The following FSIP2 variants were observed in gnomAD, a reference collection of about 807,000 sequenced individuals.
FSIP2 encodes the protein fibrous sheath interacting protein 2.
In FSIP2, 367 loss-of-function variants were observed where a neutral mutation model predicts 510.5. That is an observed-to-expected ratio of 0.72 (90% CI 0.66 to 0.78). The LOEUF (loss-of-function observed/expected upper bound fraction) is 0.78, where lower values mean the gene tolerates loss of function less well. FSIP2 is among the 30% of genes least tolerant of loss of function. The pLI is 0.00. For missense variants in FSIP2, 7,594 were observed against 7,901.7 expected (o/e 0.96, Z 1.48); for synonymous variants, 2,601 against 2,732.2 (o/e 0.95, Z 1.50).
At chr2:185,786,340 A>G (rs1204791128) in intron 15 of FSIP2, 52 bp downstream of exon 15, 1 of 1,143,190 alleles carries the variant, frequency 8.7e-7, no homozygotes, top group Admixed American at 2.3e-5. Flanking sequence ...ATACTTTCTG[A>G]TGCATCATAA....
chr2:185,763,165 T>C lies in FSIP2; in HGVS notation c.1241-18T>C, dbSNP rs1442953564. 19 of 1,073,434 alleles carry C rather than the reference T, an allele frequency of 1.8e-5. No homozygotes were observed. Among genetic ancestry groups the C allele is most frequent in the East Asian group, 1.5e-4 (6 of 38,764 alleles). 66.5% of individuals were successfully genotyped at this position (1,073,434 alleles called of 1,614,324 possible). A position where few individuals can be genotyped will look rare whatever the true frequency, so the allele number is the denominator to read the frequency against. ...AATATCAGCTTCTCATATTTAAAGT[T>C]ATCTCTTCTTTCTCTAGGAGGTATA... On this transcript the variant is annotated intron_variant, in intron 11 of 22. Coordinates refer to ENST00000424728, the MANE Select transcript of FSIP2 (RefSeq NM_173651.4).
intron 7 of FSIP2, among the ~76,000 whole-genome samples, chr2:185,753,000 G>C (rs919075460): frequency 3.3e-5 from 5 of 151,300 alleles, no homozygotes; most frequent in Non-Finnish European, 5.9e-5. Flanking sequence ...GGTGGGGTGA[G>C]AGCCATATTT....
At chr2:185,828,946 T>C (rs776984495) in intron 21 of FSIP2, among the ~76,000 whole-genome samples, 4 of 151,888 alleles carry the variant, frequency 2.6e-5, no homozygotes, top group Non-Finnish European at 5.9e-5. Flanking sequence ...TAAAATCTTA[T>C]AACTTACACT....
Position 185,797,536 on chromosome 2 carries a change from A to G in FSIP2, c.10390+10A>G. On this transcript the variant is annotated intron_variant, in intron 16 of 22. Coordinates refer to ENST00000424728, the MANE Select transcript of FSIP2 (RefSeq NM_173651.4). ...AACTTTGAAACTACAGGTAAGCAAG[A>G]GAGAACGTACCTAAAAATTTGCATG... 2 of 1,486,038 alleles carry G rather than the reference A, an allele frequency of 1.3e-6. No homozygotes were observed. The highest frequency in any genetic ancestry group is 1.8e-6 in the Non-Finnish European group (2 of 1,129,478). 92.1% of individuals were successfully genotyped at this position (1,486,038 alleles called of 1,614,324 possible).
At position 185,786,386 on chromosome 2, in the gene FSIP2, T is replaced by C. The variant is rs898186025; in HGVS notation, c.1506+98T>C. On this transcript the variant is annotated intron_variant, in intron 15 of 22. Transcript: ENST00000424728. Reference sequence around the variant, plus strand: ...TTTGTTAACTAAGTAATAGGAATCATCCATTGATATTTGTTAGGCTTCCTT... The same window carrying C: ...TTTGTTAACTAAGTAATAGGAATCACCCATTGATATTTGTTAGGCTTCCTT... 6.6e-6 allele frequency: 5 copies of C among 758,732 alleles called. No homozygotes were observed. The African/African-American group carries it at 8.8e-5, about 13-fold the overall frequency. The allele number at this position is 758,732 out of a possible 1,614,324, so 47.0% of individuals were successfully genotyped here.
chr2:185,784,305 G>A (rs1374358309), intron 14 of FSIP2, among the ~76,000 whole-genome samples: 1 of 152,214 alleles, frequency 6.6e-6, no homozygotes, highest in Middle Eastern at 3.4e-3. Flanking sequence ...GAGTAACAGT[G>A]AAGAAGGCAA....
chr2:185,763,469 A>G (rs976758272), intron 12 of FSIP2, among the ~76,000 whole-genome samples, 180 bp downstream of exon 12: 25 of 151,620 alleles, frequency 1.6e-4, no homozygotes. Flanking sequence ...AATGTAAGCT[A>G]CAAGATGTTA....
At chr2:185,780,119 A>G (rs1692813922) in intron 13 of FSIP2, among the ~76,000 whole-genome samples, 1 of 151,426 alleles carries the variant, frequency 6.6e-6, no homozygotes, top group South Asian at 2.1e-4. Flanking sequence ...TTTTTATTCT[A>G]TGATGTAATT....
chr2:185,790,524 G>C lies in FSIP2; in HGVS notation c.3388G>C (p.Asp1130His), dbSNP rs2105612459. 1 of 1,534,126 alleles carries C rather than the reference G, an allele frequency of 6.5e-7. No individual in the cohort carries two copies. The highest frequency in any genetic ancestry group is 8.7e-7 in the Non-Finnish European group (1 of 1,145,602). ...DISSVPFGHL[D>H]SKTGSEASVL... ...ATCTTCCGTTCCTTTTGGTCACTTAGACAGCAAAACTGGCAGTGAAGCTTC... is the reference window on the plus strand; with the variant it reads ...ATCTTCCGTTCCTTTTGGTCACTTACACAGCAAAACTGGCAGTGAAGCTTC... The change falls in exon 16 of 23, where the codon GAC (aspartate) becomes CAC (histidine). Residue 1130 changes from aspartate to histidine, a missense_variant. Physicochemically the swap from Asp to His is moderately conservative, Grantham distance 81. Transcript: ENST00000424728.
At chr2:185,809,180 G>C (rs759161479) in intron 17 of FSIP2, 47 bp downstream of exon 17, 6 of 1,496,976 alleles carry the variant, frequency 4.0e-6, no homozygotes, top group South Asian at 2.9e-5. Flanking sequence ...AGTGAGACAT[G>C]GTTCTTCTGT....
Position 185,833,159 on chromosome 2 carries a change from A to T in FSIP2, c.20657A>T (p.Lys6886Met). The T allele has an allele frequency of 6.2e-7, 1 of 1,610,448 alleles. No homozygotes were observed. Among genetic ancestry groups the T allele is most frequent in the South Asian group, 1.1e-5 (1 of 90,886 alleles). ...MLTKMSSTLSKVFSQCNTNIS... is the reference protein window; with the variant it reads ...MLTKMSSTLSMVFSQCNTNIS... ...ACAAAAATGTCTTCAACTTTGTCAA[A>T]GGTGTTTTCTCAATGTAACACCAAT... Residue 6886 changes from lysine (K) to methionine (M), a missense_variant, in exon 23 of 23, where the codon AAG becomes ATG. Lys to Met is a moderately conservative substitution (Grantham distance 95). Coordinates refer to ENST00000424728, the MANE Select transcript of FSIP2 (RefSeq NM_173651.4).
intron 13 of FSIP2, among the ~76,000 whole-genome samples, chr2:185,776,095 C>T (rs1291746880): frequency 6.6e-6 from 1 of 152,064 alleles, no homozygotes; most frequent in African/African-American, 2.4e-5. Flanking sequence ...AATGGTGATA[C>T]ACTGTCTCTA....
chr2:185,797,647 G>C (rs1440382484), intron 16 of FSIP2, 121 bp downstream of exon 16: 2 of 929,062 alleles, frequency 2.2e-6, no homozygotes, highest in Non-Finnish European at 3.2e-6. Flanking sequence ...AAATACCCTT[G>C]GAGGTAGATG....
intron 2 of FSIP2, chr2:185,740,441 T>C (rs1266251825): frequency 1.3e-5 from 2 of 152,214 alleles, no homozygotes; most frequent in African/African-American, 4.8e-5. Context: ...TACATTCTTG[T>C]TGACTGGTTG....
chr2:185,794,479 C>A lies in FSIP2; in HGVS notation c.7343C>A (p.Pro2448Gln). 6.6e-7 allele frequency: 1 copy of A among 1,518,754 alleles called. No individual in the cohort carries two copies. The highest frequency in any genetic ancestry group is 1.2e-5 in the South Asian group (1 of 80,482). The allele number at this position is 1,518,754 out of a possible 1,614,324, so 94.1% of individuals were successfully genotyped here. ...AAACAATCTCTATTTACAAAGTATC[C>A]ATTAGAGCAAAACCAAATGATATTG... is the stretch of plus-strand genomic sequence containing the variant. ...STKQSLFTKY[P>Q]LEQNQMILEN... Residue 2448 changes from proline (P) to glutamine (Q), a missense_variant, in exon 16 of 23, where the codon CCA (proline) becomes CAA (glutamine). Physicochemically the swap from Pro to Gln is moderately conservative, Grantham distance 76. Transcript: ENST00000424728.
chr2:185,804,257 T>G lies in FSIP2; in HGVS notation c.14951T>G (p.Ile4984Ser). Residue 4984 changes from isoleucine (I) to serine (S), a missense_variant, in exon 17 of 23, where the codon ATT becomes AGT. Coordinates refer to ENST00000424728, the MANE Select transcript of FSIP2 (RefSeq NM_173651.4). ...AGAGTGAAACTGAAACTTACCAGGATTGTTACAACATTGGTAAATTCAATT... is the reference window on the plus strand; with the variant it reads ...AGAGTGAAACTGAAACTTACCAGGAGTGTTACAACATTGGTAAATTCAATT... ...PDRVKLKLTR[I>S]VTTLVNSIVL... 6.5e-7 allele frequency: 1 copy of G among 1,529,312 alleles called. No individual in the cohort carries two copies. Among genetic ancestry groups the G allele is most frequent in the Non-Finnish European group, 8.7e-7 (1 of 1,143,514 alleles). The allele number at this position is 1,529,312 out of a possible 1,614,324, so 94.7% of individuals were successfully genotyped here. A position where few individuals can be genotyped will look rare whatever the true frequency, so the allele number is the denominator to read the frequency against.
In FSIP2 at chr2:185,764,597, T is replaced by C. The variant is rs759053064; in HGVS notation, c.1411+32T>C. The C allele has an allele frequency of 3.0e-5, 40 of 1,350,588 alleles. 1 individual carries two copies. Among genetic ancestry groups the C allele is most frequent in the Admixed American group, 1.6e-4 (8 of 49,734 alleles). The allele number at this position is 1,350,588 out of a possible 1,614,324, so 83.7% of individuals were successfully genotyped here. Reference sequence around the variant, plus strand: ...ATCAGCAGTAATTATTGAGTAAATCTTGCATTCTATTTATTCTTTCAACTG... The same window carrying C: ...ATCAGCAGTAATTATTGAGTAAATCCTGCATTCTATTTATTCTTTCAACTG... On this transcript the variant is annotated intron_variant, in intron 13 of 22. Coordinates refer to ENST00000424728, the MANE Select transcript of FSIP2 (RefSeq NM_173651.4).
rs1392129403 is a variant in FSIP2 at position 185,808,252 on chromosome 2, G to A, written c.18946G>A (p.Val6316Ile). 1.2e-6 allele frequency: 2 copies of A among 1,601,662 alleles called. No homozygotes were observed. The highest frequency in any genetic ancestry group is 3.5e-5 in the Admixed American group (2 of 57,322). The change falls in exon 17 of 23, where the codon GTC becomes ATC. Residue 6316 changes from valine (V) to isoleucine (I), a missense_variant. By Grantham distance (29) the Val-to-Ile change is conservative (BLOSUM62 3). Coordinates refer to ENST00000424728, the MANE Select transcript of FSIP2 (RefSeq NM_173651.4). ...AAATTCAGAATTAGTTCTGGAAGCT[G>A]TCAAAATTATGGAAAAAGTGATCAA... ...VSNSELVLEA[V>I]KIMEKVIKII...
intron 2 of FSIP2, among the ~76,000 whole-genome samples, 189 bp downstream of exon 2, chr2:185,739,660 T>G (rs1283887355): frequency 6.6e-6 from 1 of 152,218 alleles, no homozygotes; most frequent in Non-Finnish European, 1.5e-5. Context: ...GGTTTGGACA[T>G]AATCATATTC....
Sources: allele counts gnomAD v4.1 joint callset (sites outside exome capture counted in the v4.1 genomes callset), GRCh38; gene constraint gnomAD v4.1.1; transcripts MANE v1.5; gene names NCBI Gene and HGNC (gene_info 2026-07-23, HGNC 2026-07-21).